Variants in PTPRM observed in about 807,000 individuals in gnomAD.
The protein encoded by PTPRM is receptor-type tyrosine-protein phosphatase mu.
A neutral mutation model predicts 186.7 loss-of-function variants in PTPRM; 47 were observed. That is an observed-to-expected ratio of 0.25 (90% CI 0.20 to 0.32). The LOEUF (loss-of-function observed/expected upper bound fraction) is 0.32, where lower values mean the gene tolerates loss of function less well. Ranked by LOEUF, PTPRM falls within the 10% of genes least tolerant of loss-of-function variation. The probability of loss-of-function intolerance (pLI) is 1.00; values close to 1 mark genes in which losing one functional copy is unlikely to be tolerated. For missense variants in PTPRM, 1,494 were observed against 1,865.0 expected, an observed-to-expected ratio of 0.80 and a Z score of 3.66; for synonymous variants, 668 against 674.9, an observed-to-expected ratio of 0.99 and a Z score of 0.16.
At chr18:8,311,046 C>T (rs368330609) in intron 20 of PTPRM, among the ~76,000 whole-genome samples, 3 of 152,156 alleles carry the variant, frequency 2.0e-5, no homozygotes, top group South Asian at 2.1e-4. Context: ...TGGTGGCTCA[C>T]GCCTGTAATC....
rs185395443 is a variant in PTPRM, at chr18:7,568,782, A to G, written c.73+891A>G. 3.5e-4 allele frequency among the ~76,000 whole-genome samples: 54 copies of G among 152,202 alleles called. No homozygotes were observed. In the East Asian group the frequency reaches 9.0e-3, roughly 25 times the overall value. On this transcript the variant is annotated intron_variant, in intron 1 of 32. Coordinates refer to ENST00000580170, the MANE Select transcript of PTPRM (RefSeq NM_001105244.2). This position sits in a 1 kb window ranked among gnomAD's most constrained non-coding sequence, Gnocchi z 5.1. ...AAGCCCAGAGGAACCCCTCACGGAG[A>G]GGATCTGTGGATCGGAGTCGGGGGT...
intron 19 of PTPRM, among the ~76,000 whole-genome samples, chr18:8,281,540 A>C (rs2094904287): frequency 6.6e-6 from 1 of 152,200 alleles, no homozygotes; most frequent in Non-Finnish European, 1.5e-5. Flanking sequence ...ATAGGGCAGG[A>C]GTGCTTGACT....
In PTPRM at chr18:7,841,281, C is replaced by CTTT. The variant is rs34688860; in HGVS notation, c.197-46799_197-46797dup. ...TGGACATTTTTGGCTCAAATCATTT[C>CTTT]TTTTTTTTTTTTTTTTTTTTTTTTT... On this transcript the variant is annotated intron_variant, in intron 2 of 32. Transcript: ENST00000580170. 7.0e-4 allele frequency among the ~76,000 whole-genome samples: 49 copies of CTTT among 70,224 alleles called. 2 individuals are homozygous for CTTT. Among genetic ancestry groups the CTTT allele is most frequent in the Non-Finnish European group, 8.4e-4 (30 of 35,910 alleles). The allele number at this position is 70,224 out of a possible 152,430, so 46.1% of individuals were successfully genotyped here.
chr18:8,202,787 C>T (rs1489343503), intron 14 of PTPRM, among the ~76,000 whole-genome samples: 3 of 152,138 alleles, frequency 2.0e-5, no homozygotes, highest in Non-Finnish European at 1.5e-5. Flanking sequence ...CCTGTTCTCT[C>T]TCACCTCCTA....
At chr18:7,936,833 T>C (rs991225951) in intron 5 of PTPRM, among the ~76,000 whole-genome samples, 3 of 152,130 alleles carry the variant, frequency 2.0e-5, no homozygotes, top group Non-Finnish European at 4.4e-5. Context: ...ATCCATGGAC[T>C]CAGCCAGACT....
intron 7 of PTPRM, among the ~76,000 whole-genome samples, chr18:8,036,001 G>T (rs2086302216): frequency 6.6e-6 from 1 of 152,174 alleles, no homozygotes; most frequent in Admixed American, 6.5e-5. Context: ...CAGTAAGAAT[G>T]AGGTGTCAAA....
chr18:7,693,083 C>T (rs1203281932), intron 1 of PTPRM, among the ~76,000 whole-genome samples: 1 of 152,194 alleles, frequency 6.6e-6, no homozygotes, highest in African/African-American at 2.4e-5. Flanking sequence ...TGTAAATGGT[C>T]ACTCTCTGAA....
At chr18:8,282,258 A>G (rs937651038) in intron 19 of PTPRM, among the ~76,000 whole-genome samples, 2 of 152,210 alleles carry the variant, frequency 1.3e-5, no homozygotes, top group Non-Finnish European at 2.9e-5. Context: ...TAAAAAGCAG[A>G]GACAATACCA....
At chr18:7,965,033 CTTTT>C (rs569596603) in intron 7 of PTPRM, among the ~76,000 whole-genome samples, 46 of 120,198 alleles carry the variant, frequency 3.8e-4, no homozygotes, top group East Asian at 1.1e-3. Flanking sequence ...CACTCTAACA[CTTTT>C]TTTTTTTTTT....
intron 2 of PTPRM, among the ~76,000 whole-genome samples, chr18:7,805,024 G>T (rs938368596): frequency 1.9e-4 from 29 of 152,118 alleles, no homozygotes. Flanking sequence ...AAATATATTC[G>T]AGTGTGGTTA....
chr18:7,654,608 A>G (rs1360278650), intron 1 of PTPRM, among the ~76,000 whole-genome samples: 1 of 152,130 alleles, frequency 6.6e-6, no homozygotes, highest in African/African-American at 2.4e-5. Flanking sequence ...AAAGTCTTTA[A>G]TCCATCTTAA....
chr18:8,110,403 A>G (rs770982841), intron 11 of PTPRM, among the ~76,000 whole-genome samples: 2 of 152,214 alleles, frequency 1.3e-5, no homozygotes, highest in Non-Finnish European at 2.9e-5. Context: ...CCTAGAGTTC[A>G]TTGCCTTGAG....
chr18:7,726,015 AG>A (rs1343896607), intron 1 of PTPRM, among the ~76,000 whole-genome samples: 1 of 152,164 alleles, frequency 6.6e-6, no homozygotes, highest in Non-Finnish European at 1.5e-5. Flanking sequence ...ACCCTGCTGC[AG>A]GGCCAGTACA....
intron 17 of PTPRM, among the ~76,000 whole-genome samples, chr18:8,250,231 A>C (rs1211362553): frequency 6.6e-6 from 1 of 152,036 alleles, no homozygotes; most frequent in African/African-American, 2.4e-5. Context: ...TAGATGATTA[A>C]ATGGATGGTT....
At chr18:8,070,724 A>G (rs1239579568) in intron 8 of PTPRM, among the ~76,000 whole-genome samples, 1 of 152,252 alleles carries the variant, frequency 6.6e-6, no homozygotes, top group Non-Finnish European at 1.5e-5. Context: ...TGACATATTC[A>G]TATAGTACAT....
rs577426398 is a variant in PTPRM at position 7,936,912 on chromosome 18, T to A, written c.663+10229T>A. Among the ~76,000 whole-genome samples, 3 of 152,272 alleles carry A rather than the reference T, an allele frequency of 2.0e-5. No homozygotes were observed. The East Asian group carries it at 5.8e-4, about 30-fold the overall frequency. On this transcript the variant is annotated intron_variant, in intron 5 of 32. Coordinates refer to ENST00000580170, the MANE Select transcript of PTPRM (RefSeq NM_001105244.2). ...CCAGGGTCTCCTCTCTGCTGAGAGCTGAGCACTTGACTGGATGACCTGCCT... is the reference window on the plus strand; with the variant it reads ...CCAGGGTCTCCTCTCTGCTGAGAGCAGAGCACTTGACTGGATGACCTGCCT...
intron 1 of PTPRM, among the ~76,000 whole-genome samples, chr18:7,722,596 G>T (rs2040468690): frequency 6.6e-6 from 1 of 152,036 alleles, no homozygotes; most frequent in African/African-American, 2.4e-5. Flanking sequence ...AAACCAAGAT[G>T]AAATAAAAGA....
chr18:7,787,774 A>G (rs2043160276), intron 2 of PTPRM, among the ~76,000 whole-genome samples: 1 of 152,204 alleles, frequency 6.6e-6, no homozygotes, highest in Admixed American at 6.5e-5. Flanking sequence ...TACTCTGTAA[A>G]TGTTTTGAAA....
At chr18:8,210,685 G>A (rs892995716) in intron 14 of PTPRM, among the ~76,000 whole-genome samples, 1 of 152,172 alleles carries the variant, frequency 6.6e-6, no homozygotes, top group African/African-American at 2.4e-5. Context: ...GAGAGATCTG[G>A]ACTAGAGAAA....
Sources: gnomAD v4.1 joint callset for allele counts (sites outside exome capture counted in the v4.1 genomes callset) on GRCh38, gnomAD v4.1.1 for gene constraint, Gnocchi (gnomAD v3.1) non-coding constraint, MANE v1.5 for transcripts, NCBI Gene and HGNC (gene_info 2026-07-23, HGNC 2026-07-21) for gene names.